Variants in ERI3 observed in about 807,000 individuals in gnomAD.
The protein encoded by ERI3 is ERI1 exoribonuclease 3.
In ERI3, 18 loss-of-function variants were observed where a neutral mutation model predicts 44.4. The observed-to-expected ratio is 0.41, with a 90% CI of 0.28 to 0.60. ERI3 has a LOEUF of 0.60. ERI3 is among the 20% of genes least tolerant of loss of function. The pLI is 0.36. For synonymous variants in ERI3, 183 were observed against 164.8 expected (o/e 1.11, Z -0.84); for missense variants, 294 against 435.5 (o/e 0.68, Z 2.89).
chr1:44,297,612 C>G (rs1433335569), intron 6 of ERI3, among the ~76,000 whole-genome samples: 1 of 152,174 alleles, frequency 6.6e-6, no homozygotes, highest in African/African-American at 2.4e-5. Context: ...GCCTCTGCAT[C>G]TGTGAAGAGA....
chr1:44,337,023 A>G (rs1335373698), intron 3 of ERI3, among the ~76,000 whole-genome samples: 3 of 152,244 alleles, frequency 2.0e-5, no homozygotes, highest in Non-Finnish European at 4.4e-5. Flanking sequence ...TGATAAATAA[A>G]TAAGTAAAAA....
intron 5 of ERI3, among the ~76,000 whole-genome samples, chr1:44,310,963 G>GTGCGCGCGCGCGCACA (rs1645953539): frequency 8.1e-6 from 1 of 123,202 alleles, no homozygotes; most frequent in Non-Finnish European, 1.7e-5. Context: ...GCGCGCGCGC[G>GTGCGCGCGCGCGCACA]CACACACACA....
intron 6 of ERI3, among the ~76,000 whole-genome samples, chr1:44,307,639 C>A (rs762807642): frequency 2.6e-5 from 4 of 152,134 alleles, no homozygotes; most frequent in Non-Finnish European, 5.9e-5. Context: ...TCTTCCATAA[C>A]CGGGACAGGA....
chr1:44,329,380 C>T (rs1317790966), intron 3 of ERI3, among the ~76,000 whole-genome samples: 5 of 152,164 alleles, frequency 3.3e-5, no homozygotes, highest in Non-Finnish European at 5.9e-5. Flanking sequence ...GGTCTGCCCC[C>T]GACATTGTTT....
chr1:44,234,996 G>T (rs1644271814), intron 8 of ERI3, among the ~76,000 whole-genome samples: 1 of 152,124 alleles, frequency 6.6e-6, no homozygotes, highest in African/African-American at 2.4e-5. Context: ...TAACATGAGG[G>T]AAAGCTGGGT....
intron 2 of ERI3, among the ~76,000 whole-genome samples, chr1:44,345,702 A>C (rs969858368): frequency 3.3e-5 from 5 of 152,234 alleles, no homozygotes; most frequent in Non-Finnish European, 5.9e-5. Flanking sequence ...ATCCCTTCAA[A>C]AGTCATAATC....
At chr1:44,279,636 T>TC (rs1645246708) in intron 7 of ERI3, among the ~76,000 whole-genome samples, 1 of 152,194 alleles carries the variant, frequency 6.6e-6, no homozygotes, top group Admixed American at 6.5e-5. Context: ...CACAATGACT[T>TC]CATCTTCTTT....
chr1:44,319,651 G>T lies in ERI3; in HGVS notation c.583C>A (p.Gln195Lys), dbSNP rs1646160228. The T allele has an allele frequency of 6.2e-7, 1 of 1,613,816 alleles. No individual in the cohort carries two copies. Among genetic ancestry groups the T allele is most frequent in the Admixed American group, 1.7e-5 (1 of 60,008 alleles). The change falls in exon 4 of 9, where the codon CAG (glutamine) becomes AAG (lysine). Residue 195 changes from glutamine to lysine, a missense_variant. Gln to Lys is a moderately conservative substitution (Grantham distance 53). Transcript: ENST00000372257. ...HMYVQPVVHP[Q>K]LTPFCTELTG... The stretch of plus-strand genomic sequence containing the variant: ...ACCTCTGTACAGAATGGGGTAAGCT[G>T]TGGATGGACTACAGGCTGGACATAC...
chr1:44,281,878 ATG>A (rs10574197), intron 7 of ERI3, among the ~76,000 whole-genome samples: 27,767 of 126,642 alleles, frequency 0.22, 2,630 homozygotes, highest in East Asian at 0.3. Flanking sequence ...ACATGTGCAT[ATG>A]TGTGTGTGTG....
At chr1:44,310,970 CA>C (rs2154328021) in intron 5 of ERI3, among the ~76,000 whole-genome samples, 1 of 50,256 alleles carries the variant, frequency 2.0e-5, no homozygotes, top group Admixed American at 2.0e-4. Flanking sequence ...CGCGCACACA[CA>C]CACACACACA....
At chr1:44,233,507 G>A (rs1039507264) in intron 8 of ERI3, among the ~76,000 whole-genome samples, 3 of 151,400 alleles carry the variant, frequency 2.0e-5, no homozygotes, top group East Asian at 1.9e-4. Context: ...GGGTTCAAGC[G>A]ATTCTCCTGC....
In ERI3 at chr1:44,279,230, A is replaced by AT. The variant is rs751566928; in HGVS notation, c.831+5604dup. Among the ~76,000 whole-genome samples, 280 of 133,168 alleles carry AT rather than the reference A, an allele frequency of 2.1e-3. 1 individual carries two copies. The highest frequency in any genetic ancestry group is 6.2e-3 in the African/African-American group (246 of 39,912). 87.4% of individuals were successfully genotyped at this position (133,168 alleles called of 152,430 possible). On this transcript the variant is annotated intron_variant, in intron 7 of 8. Transcript: ENST00000372257. ...CAATCACAGACCAATAACACTGCCA[A>AT]TTTTTTTTTATTTCTTTGAGACAGG... is the stretch of plus-strand genomic sequence containing the variant.
intron 5 of ERI3, 71 bp from the exon 6 acceptor site, chr1:44,308,472 A>C (rs1204060563): frequency 1.7e-6 from 2 of 1,145,594 alleles, no homozygotes; most frequent in African/African-American, 1.5e-5. Context: ...CACAACAGCA[A>C]AACACAGATA....
intron 3 of ERI3, among the ~76,000 whole-genome samples, chr1:44,332,104 T>G (rs996492407): frequency 3.3e-5 from 5 of 152,226 alleles, no homozygotes; most frequent in Non-Finnish European, 7.3e-5. Flanking sequence ...AAGAAGCCTT[T>G]TCATTGCCTC....
chr1:44,221,708 C>A lies in ERI3; in HGVS notation c.932-68G>T. 5.2e-6 allele frequency: 7 copies of A among 1,348,386 alleles called. No homozygotes were observed. Among genetic ancestry groups the A allele is most frequent in the Non-Finnish European group, 7.4e-6 (7 of 941,520 alleles). 83.5% of individuals were successfully genotyped at this position (1,348,386 alleles called of 1,614,324 possible). ...CCCTCCATGCCCACAGGTGCTCTTA[C>A]AAGGGTGGGGGTGGGAAGCAGGGTC... On this transcript the variant is annotated intron_variant, in intron 8 of 8. Transcript: ENST00000372257. This position sits in a 1 kb window ranked among gnomAD's most constrained non-coding sequence, Gnocchi z 5.9.
intron 8 of ERI3, among the ~76,000 whole-genome samples, chr1:44,238,079 G>A (rs1227965199): frequency 5.9e-5 from 9 of 152,126 alleles, no homozygotes; most frequent in Non-Finnish European, 1.3e-4. Context: ...CAGCCAGCAC[G>A]GAGGCAGCCT....
At chr1:44,313,281 A>C (rs997786803) in intron 4 of ERI3, 53 bp from the exon 5 acceptor site, 2 of 1,529,128 alleles carry the variant, frequency 1.3e-6, no homozygotes, top group African/African-American at 2.7e-5. Context: ...GAAGGGACTC[A>C]AGGCTGAACA....
At chr1:44,259,345 C>T (rs1405671738) in intron 7 of ERI3, among the ~76,000 whole-genome samples, 1 of 152,002 alleles carries the variant, frequency 6.6e-6, no homozygotes, top group African/African-American at 2.4e-5. Context: ...TGGGGGCATG[C>T]TAAGGCCTGG....
At chr1:44,287,213 A>C (rs1194828735) in intron 6 of ERI3, among the ~76,000 whole-genome samples, 1 of 152,204 alleles carries the variant, frequency 6.6e-6, no homozygotes, top group Non-Finnish European at 1.5e-5. Flanking sequence ...CGAAAGGGGC[A>C]TCAGTGGACT....
Sources: gnomAD v4.1 joint callset for allele counts (sites outside exome capture counted in the v4.1 genomes callset) on GRCh38, gnomAD v4.1.1 for gene constraint, Gnocchi (gnomAD v3.1) non-coding constraint, MANE v1.5 for transcripts, NCBI Gene and HGNC (gene_info 2026-07-23, HGNC 2026-07-21) for gene names.